Variants in SIMC1 observed in about 807,000 individuals in gnomAD.
SIMC1 encodes the protein SUMO interacting motifs containing 1, also known as SUMO-interacting motif-containing protein 1.
A neutral mutation model predicts 82.3 loss-of-function variants in SIMC1; 55 were observed. The ratio of observed to expected loss-of-function variants is 0.67; its 90% confidence interval spans 0.54 to 0.84. The LOEUF (loss-of-function observed/expected upper bound fraction) is 0.84. Ranked by LOEUF, SIMC1 falls within the 40% of genes least tolerant of loss-of-function variation. The pLI is 0.00. For missense variants in SIMC1, 915 were observed against 1,107.2 expected (o/e 0.83, Z 2.46); for synonymous variants, 353 against 426.3 (o/e 0.83, Z 2.12).
Position 176,336,893 on chromosome 5 carries a change from C to G in SIMC1, c.2328+17C>G, listed in dbSNP as rs765772699. The G allele has an allele frequency of 3.7e-6, 6 of 1,613,516 alleles. No homozygotes were observed. In the South Asian group the frequency reaches 6.6e-5, roughly 18 times the overall value. ...AAGTGTCAGGTACATTTTTTCCTGCCCAATTTCAGGCCTAGAGCACCTCTC... is the reference window on the plus strand; with the variant it reads ...AAGTGTCAGGTACATTTTTTCCTGCGCAATTTCAGGCCTAGAGCACCTCTC... On this transcript the variant is annotated intron_variant, in intron 8 of 9. Coordinates refer to ENST00000429602, the MANE Select transcript of SIMC1 (RefSeq NM_001308195.2).
chr5:176,242,085 G>A (rs1468647466), intron 1 of SIMC1, among the ~76,000 whole-genome samples: 3 of 152,120 alleles, frequency 2.0e-5, no homozygotes, highest in Admixed American at 2.0e-4. Context: ...ACTTGTTACC[G>A]TGATACACAG....
At chr5:176,326,071 A>G (rs1184472592) in intron 7 of SIMC1, among the ~76,000 whole-genome samples, 2 of 152,218 alleles carry the variant, frequency 1.3e-5, no homozygotes, top group Admixed American at 1.3e-4. Context: ...GAATTCATGA[A>G]CAATTGCTGG....
chr5:176,295,244 T>A lies in SIMC1; in HGVS notation c.1646T>A (p.Leu549His). 1.2e-6 allele frequency: 2 copies of A among 1,612,820 alleles called. No homozygotes were observed. Among genetic ancestry groups the A allele is most frequent in the Non-Finnish European group, 1.7e-6 (2 of 1,179,292 alleles). ...GATGTCCTAAAGGAGGCCTACATGC[T>A]TCTCATGAAAATTCAACAGTATGAA... is the stretch of plus-strand genomic sequence containing the variant. ...TVDVLKEAYMLLMKIQQLHPA... is the reference protein window; with the variant it reads ...TVDVLKEAYMHLMKIQQLHPA... Residue 549 changes from leucine (L) to histidine (H), a missense_variant, in exon 3 of 10, where the codon CTT (leucine) becomes CAT (histidine). Coordinates refer to ENST00000429602, the MANE Select transcript of SIMC1 (RefSeq NM_001308195.2).
chr5:176,252,193 G>A (rs1386596304), intron 1 of SIMC1, among the ~76,000 whole-genome samples: 7 of 139,260 alleles, frequency 5.0e-5, no homozygotes, highest in South Asian at 2.4e-4. Flanking sequence ...CGGACGGGGC[G>A]GCTGGCCGGG....
chr5:176,292,089 A>G (rs56164224), intron 2 of SIMC1, among the ~76,000 whole-genome samples: 1 of 152,084 alleles, frequency 6.6e-6, no homozygotes, highest in Non-Finnish European at 1.5e-5. Context: ...TTCAACTCCT[A>G]TGCTTTTCCC....
chr5:176,331,063 G>A (rs1476754101), intron 7 of SIMC1, among the ~76,000 whole-genome samples: 2 of 152,102 alleles, frequency 1.3e-5, no homozygotes, highest in Non-Finnish European at 2.9e-5. Context: ...TCAGCCTAAT[G>A]TCAAATGAGA....
chr5:176,270,608 C>CA (rs1481894363), intron 1 of SIMC1: 1 of 152,218 alleles, frequency 6.6e-6, no homozygotes. Flanking sequence ...GCCTATACCA[C>CA]ACCTCCTCCG....
At chr5:176,263,628 A>G in intron 1 of SIMC1, 2 of 1,231,508 alleles carry the variant, frequency 1.6e-6, no homozygotes, top group Non-Finnish European at 1.1e-6. Context: ...ATCTGTCCCC[A>G]TGATTCCACC....
At chr5:176,332,295 T>G (rs1178565064) in intron 7 of SIMC1, among the ~76,000 whole-genome samples, 1 of 152,226 alleles carries the variant, frequency 6.6e-6, no homozygotes, top group Non-Finnish European at 1.5e-5. Flanking sequence ...TTTTGTTTGT[T>G]TGCTTGTTTT....
At chr5:176,296,205 T>G in intron 3 of SIMC1, 46 bp from the exon 4 acceptor site, 1 of 1,596,322 alleles carries the variant, frequency 6.3e-7, no homozygotes, top group South Asian at 1.1e-5. Flanking sequence ...TATCCCTTCT[T>G]CCGCTAAATT....
At chr5:176,257,955 G>T (rs775862692) in intron 1 of SIMC1, among the ~76,000 whole-genome samples, 1 of 152,216 alleles carries the variant, frequency 6.6e-6, no homozygotes, top group South Asian at 2.1e-4. Context: ...AATAGCCCCT[G>T]TATGGGAGGT....
At chr5:176,295,573 C>T (rs571104610) in intron 3 of SIMC1, among the ~76,000 whole-genome samples, 34 of 152,138 alleles carry the variant, frequency 2.2e-4, no homozygotes, top group Non-Finnish European at 1.9e-4. Flanking sequence ...GTGGTAGCCT[C>T]TCAGCCTCAG....
In SIMC1 at chr5:176,322,416, C is replaced by A; in HGVS notation, c.2033C>A (p.Thr678Asn). Residue 678 changes from threonine (T) to asparagine (N), a missense_variant, in exon 6 of 10, where the codon ACC (threonine) becomes AAC (asparagine). Around this residue, in one of 2 missense-constraint regions of SIMC1, gnomAD observed 902 missense variants for 1,040.3 expected, o/e 0.87. Transcript: ENST00000429602. ...PSSQPNLTKN[T>N]NQLIVCQLQR... is the part of the protein sequence containing the mutation. ...TCCCAGCCCAACCTGACAAAGAACA[C>A]CAATCAGCTGTAAGGGGCAGGCAGT... 6.2e-7 allele frequency: 1 copy of A among 1,608,862 alleles called. No homozygotes were observed. The highest frequency in any genetic ancestry group is 1.1e-5 in the South Asian group (1 of 89,654).
In SIMC1 at chr5:176,241,555, C is replaced by T. The variant is rs375064705; in HGVS notation, c.129+2918C>T. ...TTGCTGAGTCAAAAGGTGTGCCCTA[C>T]TTTATATGTAGCTAACCCTTGAAGA... On this transcript the variant is annotated intron_variant, in intron 1 of 9. Transcript: ENST00000429602. Among the ~76,000 whole-genome samples, 5 of 151,714 alleles carry T rather than the reference C, an allele frequency of 3.3e-5. No individual in the cohort carries two copies. In the East Asian group the frequency reaches 5.8e-4, roughly 18 times the overall value.
intron 1 of SIMC1, among the ~76,000 whole-genome samples, chr5:176,246,446 GTGT>G (rs1453042811): frequency 1.5e-5 from 2 of 136,860 alleles, no homozygotes; most frequent in Admixed American, 7.1e-5. Context: ...GTGTGTGTGT[GTGT>G]TGTTTGTTTG....
intron 1 of SIMC1, among the ~76,000 whole-genome samples, chr5:176,261,322 A>C (rs937948225): frequency 5.1e-4 from 78 of 152,130 alleles, no homozygotes; most frequent in Admixed American, 1.6e-3. Context: ...TCCTATTTCA[A>C]ATGAAGTTAT....
intron 9 of SIMC1, among the ~76,000 whole-genome samples, chr5:176,344,102 A>G (rs1766282237): frequency 6.6e-6 from 1 of 152,034 alleles, no homozygotes; most frequent in Non-Finnish European, 1.5e-5. Flanking sequence ...CTGCCATGAA[A>G]CTTGTTCTTG....
chr5:176,304,891 G>C (rs909606206), intron 4 of SIMC1, among the ~76,000 whole-genome samples: 18 of 146,346 alleles, frequency 1.2e-4, no homozygotes, highest in African/African-American at 4.5e-4. Flanking sequence ...CCGTCTGGGA[G>C]GTGACGAGCG....
intron 1 of SIMC1, among the ~76,000 whole-genome samples, chr5:176,254,952 G>T (rs926375840): frequency 6.6e-6 from 1 of 152,124 alleles, no homozygotes; most frequent in East Asian, 1.9e-4. Flanking sequence ...GAAAGAAAAG[G>T]TTTCCTTAAA....
Sources: allele counts gnomAD v4.1 joint callset (sites outside exome capture counted in the v4.1 genomes callset), GRCh38; gene constraint gnomAD v4.1.1; regional missense constraint gnomAD v4.1.1; transcripts MANE v1.5; gene names NCBI Gene and HGNC (gene_info 2026-07-23, HGNC 2026-07-21).